NCAM2: variants seen among roughly 807,000 people sequenced by gnomAD.
The protein encoded by NCAM2 is neural cell adhesion molecule 2.
A neutral mutation model predicts 98.1 loss-of-function variants in NCAM2; 30 were observed. The ratio of observed to expected loss-of-function variants is 0.31; its 90% CI spans 0.23 to 0.41. The LOEUF (loss-of-function observed/expected upper bound fraction) is 0.41, where lower values mean the gene tolerates loss of function less well. Ranked by LOEUF, NCAM2 falls within the 10% of genes least tolerant of loss-of-function variation. The probability of loss-of-function intolerance (pLI) is 1.00; values close to 1 mark genes in which losing one functional copy is unlikely to be tolerated. For missense variants in NCAM2, 867 were observed against 1,005.8 expected, an observed-to-expected ratio of 0.86 and a Z score of 1.87; for synonymous variants, 368 against 342.4, an observed-to-expected ratio of 1.07 and a Z score of -0.83.
chr21:21,259,901 C>A (rs1601792616), intron 1 of NCAM2, among the ~76,000 whole-genome samples: 1 of 139,672 alleles, frequency 7.2e-6, no homozygotes, highest in African/African-American at 2.7e-5. Flanking sequence ...AAGTTACATC[C>A]AAATAAAAAT....
chr21:21,454,871 A>AG (rs1981891325), intron 12 of NCAM2, among the ~76,000 whole-genome samples: 1 of 151,966 alleles, frequency 6.6e-6, no homozygotes, highest in South Asian at 2.1e-4. Flanking sequence ...AAATAGAAAA[A>AG]GAAATATATA....
At chr21:21,345,604 C>T (rs1262895189) in intron 8 of NCAM2, among the ~76,000 whole-genome samples, 1 of 151,836 alleles carries the variant, frequency 6.6e-6, no homozygotes, top group Non-Finnish European at 1.5e-5. Flanking sequence ...AAAAATGAAG[C>T]ATGCCTACAG....
intron 1 of NCAM2, among the ~76,000 whole-genome samples, chr21:21,016,605 A>T (rs1383931231): frequency 6.6e-6 from 1 of 151,980 alleles, no homozygotes; most frequent in East Asian, 1.9e-4. Context: ...GCATAGTTTT[A>T]CTCTTGTTAA....
At chr21:21,480,235 C>A (rs1237498645) in intron 15 of NCAM2, among the ~76,000 whole-genome samples, 1 of 151,640 alleles carries the variant, frequency 6.6e-6, no homozygotes, top group Non-Finnish European at 1.5e-5. Flanking sequence ...GGCGTACTGG[C>A]GGGCGCCTGT....
intron 1 of NCAM2, among the ~76,000 whole-genome samples, chr21:21,224,129 A>G (rs1456225272): frequency 6.6e-6 from 1 of 152,200 alleles, no homozygotes; most frequent in Non-Finnish European, 1.5e-5. Flanking sequence ...GAGAGTCAGC[A>G]CAGAATGTTA....
chr21:21,411,143 T>TACACACAC (rs2076876029), intron 10 of NCAM2, among the ~76,000 whole-genome samples: 1 of 93,034 alleles, frequency 1.1e-5, no homozygotes, highest in Non-Finnish European at 2.4e-5. Context: ...TATGTATATA[T>TACACACAC]ATATACATAT....
At chr21:21,088,724 G>A (rs1159338599) in intron 1 of NCAM2, among the ~76,000 whole-genome samples, 3 of 152,098 alleles carry the variant, frequency 2.0e-5, no homozygotes, top group Non-Finnish European at 2.9e-5. Flanking sequence ...TAGGAGCGGT[G>A]GCTCACGCCT....
chr21:21,191,941 G>A (rs891798469), intron 1 of NCAM2, among the ~76,000 whole-genome samples: 1 of 152,172 alleles, frequency 6.6e-6, no homozygotes, highest in Non-Finnish European at 1.5e-5. Context: ...CTGAAGAGAG[G>A]CTGGGTGCGG....
At chr21:21,156,040 A>G (rs912628707) in intron 1 of NCAM2, among the ~76,000 whole-genome samples, 1 of 151,980 alleles carries the variant, frequency 6.6e-6, no homozygotes, top group Non-Finnish European at 1.5e-5. Context: ...TGTAGTAGTC[A>G]TACTGTCTGC....
intron 1 of NCAM2, among the ~76,000 whole-genome samples, chr21:21,184,558 G>A (rs570788781): frequency 6.6e-6 from 1 of 152,194 alleles, no homozygotes; most frequent in East Asian, 1.9e-4. Context: ...AATACATATT[G>A]TTAAGCTCTC....
chr21:21,075,202 T>C (rs190439846), intron 1 of NCAM2, among the ~76,000 whole-genome samples: 1 of 152,170 alleles, frequency 6.6e-6, no homozygotes, highest in Non-Finnish European at 1.5e-5. Context: ...TGTGGAGCTA[T>C]GTAAGGGATA....
At chr21:21,296,403 AAAAC>A (rs1568899526) in intron 5 of NCAM2, among the ~76,000 whole-genome samples, 1 of 150,530 alleles carries the variant, frequency 6.6e-6, no homozygotes. Flanking sequence ...CAACACTTGT[AAAAC>A]AAACAAGAGC....
At position 20,999,053 on chromosome 21, in the gene NCAM2, T is replaced by A. The variant is rs1240814908; in HGVS notation, c.55+435T>A. On this transcript the variant is annotated intron_variant, in intron 1 of 17. Transcript: ENST00000400546. ...AAACTCATTTGCAAAATATCTGCTG[T>A]GTGCAAGACGTTCGATTCTTGGAGA... 2.6e-5 allele frequency among the ~76,000 whole-genome samples: 4 copies of A among 152,308 alleles called. No homozygotes were observed. The East Asian group carries it at 7.7e-4, about 29-fold the overall frequency.
intron 1 of NCAM2, among the ~76,000 whole-genome samples, chr21:21,028,899 TATC>T (rs2064611104): frequency 6.6e-6 from 1 of 152,348 alleles, no homozygotes; most frequent in East Asian, 1.9e-4. Context: ...TTATGTAAGC[TATC>T]ATCATAGGTA....
intron 16 of NCAM2, among the ~76,000 whole-genome samples, chr21:21,519,944 A>G (rs941597770): frequency 6.6e-6 from 1 of 152,084 alleles, no homozygotes; most frequent in African/African-American, 2.4e-5. Flanking sequence ...AGAGCATCTC[A>G]AGGCAGAGAA....
chr21:21,500,284 A>G (rs1276362472), intron 15 of NCAM2, among the ~76,000 whole-genome samples: 2 of 152,260 alleles, frequency 1.3e-5, no homozygotes, highest in East Asian at 1.9e-4. Context: ...TTGACTAAAC[A>G]TTGGAAACCT....
intron 1 of NCAM2, among the ~76,000 whole-genome samples, chr21:21,166,154 G>T (rs1014682840): frequency 6.6e-6 from 1 of 152,196 alleles, no homozygotes; most frequent in Non-Finnish European, 1.5e-5. Flanking sequence ...TTCCTGTTTA[G>T]TACATTATAA....
At chr21:21,251,075 C>T (rs1201500426) in intron 1 of NCAM2, among the ~76,000 whole-genome samples, 5 of 152,226 alleles carry the variant, frequency 3.3e-5, no homozygotes, top group East Asian at 3.9e-4. Flanking sequence ...TTAAATGTGT[C>T]GTGATTTTTT....
intron 8 of NCAM2, among the ~76,000 whole-genome samples, chr21:21,347,222 T>C (rs2075215212): frequency 6.6e-6 from 1 of 151,898 alleles, no homozygotes; most frequent in Non-Finnish European, 1.5e-5. Flanking sequence ...GCCAATAAAT[T>C]GGAAAATCTA....
Sources: allele counts gnomAD v4.1 joint callset (sites outside exome capture counted in the v4.1 genomes callset), GRCh38; gene constraint gnomAD v4.1.1; transcripts MANE v1.5; gene names NCBI Gene and HGNC (gene_info 2026-07-23, HGNC 2026-07-21).